Variants in NOTCH2NLC observed in about 807,000 individuals in gnomAD.
NOTCH2NLC encodes notch homolog 2 N-terminal-like protein C.
In NOTCH2NLC, 4 loss-of-function variants were observed where a neutral mutation model predicts 17.7. The observed-to-expected ratio is 0.23, with a 90% CI of 0.11 to 0.52. NOTCH2NLC has a LOEUF of 0.52. NOTCH2NLC is among the 20% of genes least tolerant of loss of function. The pLI is 0.96. For missense variants in NOTCH2NLC, 57 were observed against 207.2 expected (o/e 0.28, Z 4.45); for synonymous variants, 18 against 86.0 (o/e 0.21, Z 4.38).
intron 3 of NOTCH2NLC, among the ~76,000 whole-genome samples, chr1:149,460,913 T>TTCTTTCTTTCTTTGTTTCTTTCTC (rs2084645506): frequency 8.7e-6 from 1 of 114,380 alleles, no homozygotes; most frequent in Non-Finnish European, 1.9e-5. Flanking sequence ...CTTTCTTTCT[T>TTCTTTCTTTCTTTGTTTCTTTCTC]TCTCTCTCTT....
chr1:149,466,275 T>G lies in NOTCH2NLC; in HGVS notation c.*2122T>G, dbSNP rs1159038126. 4.8e-5 allele frequency: 7 copies of G among 145,812 alleles called. No homozygotes were observed. Among genetic ancestry groups the G allele is most frequent in the Non-Finnish European group, 7.6e-5 (5 of 66,030 alleles). 9.0% of individuals were successfully genotyped at this position (145,812 alleles called of 1,614,324 possible). A position where few individuals can be genotyped will look rare whatever the true frequency, so the allele number is the denominator to read the frequency against. ...GTGTGTGTGTGTGTGTGTGTGTGTG[T>G]GGTATATATATATATATCGCATTGT... On this transcript the variant is annotated 3_prime_UTR_variant, in exon 5 of 5. Transcript: ENST00000650865.
At chr1:149,425,431 G>C (rs1371470202) in intron 1 of NOTCH2NLC, among the ~76,000 whole-genome samples, 3 of 151,456 alleles carry the variant, frequency 2.0e-5, no homozygotes, top group East Asian at 2.0e-4. Context: ...GTTCAATGAC[G>C]ATCTGTTCAG....
intron 3 of NOTCH2NLC, among the ~76,000 whole-genome samples, chr1:149,461,497 C>T (rs1489305294): frequency 3.3e-5 from 5 of 150,240 alleles, no homozygotes; most frequent in Admixed American, 1.3e-4. Context: ...TGTCACATCT[C>T]GCATCTTTTT....
intron 1 of NOTCH2NLC, among the ~76,000 whole-genome samples, chr1:149,417,073 G>A (rs1297432243): frequency 1.6e-5 from 2 of 128,968 alleles, no homozygotes; most frequent in South Asian, 2.8e-4. Context: ...GAAGTTTGCA[G>A]ATTATGGTGG....
intron 2 of NOTCH2NLC, among the ~76,000 whole-genome samples, chr1:149,439,762 T>C (rs1282968318): frequency 9.3e-5 from 14 of 150,598 alleles, no homozygotes; most frequent in Non-Finnish European, 1.2e-4. Flanking sequence ...CCACACATTT[T>C]CTAGATCCTA....
intron 1 of NOTCH2NLC, among the ~76,000 whole-genome samples, chr1:149,393,215 G>A (rs1167792442): frequency 6.7e-6 from 1 of 150,372 alleles, no homozygotes; most frequent in Non-Finnish European, 1.5e-5. Flanking sequence ...GCGATTATTA[G>A]CTAGCTTTTA....
At chr1:149,392,601 G>A (rs1453427862) in intron 1 of NOTCH2NLC, among the ~76,000 whole-genome samples, 1 of 151,128 alleles carries the variant, frequency 6.6e-6, no homozygotes, top group South Asian at 2.1e-4. Flanking sequence ...GGATAGAGAG[G>A]AGTATAATCA....
At chr1:149,429,836 A>T (rs1341517064) in intron 1 of NOTCH2NLC, among the ~76,000 whole-genome samples, 4 of 149,998 alleles carry the variant, frequency 2.7e-5, no homozygotes, top group Non-Finnish European at 5.9e-5. Context: ...GGAGGGGGGA[A>T]CTTCTCAGTT....
intron 3 of NOTCH2NLC, among the ~76,000 whole-genome samples, chr1:149,457,806 A>G (rs2084621979): frequency 1.2e-5 from 1 of 82,960 alleles, no homozygotes; most frequent in African/African-American, 4.8e-5. Context: ...ATCCAGATTA[A>G]GGGTGGGTCT....
intron 3 of NOTCH2NLC, among the ~76,000 whole-genome samples, chr1:149,460,749 C>G (rs1182272824): frequency 2.7e-5 from 4 of 148,920 alleles, no homozygotes; most frequent in Non-Finnish European, 6.0e-5. Context: ...AGTCAGCTTA[C>G]TAGCTCATCT....
At chr1:149,393,567 G>A (rs1239409173) in intron 1 of NOTCH2NLC, among the ~76,000 whole-genome samples, 1 of 148,232 alleles carries the variant, frequency 6.7e-6, no homozygotes, top group Non-Finnish European at 1.5e-5. Context: ...CAGCTATCCA[G>A]GACCATCCTC....
chr1:149,463,086 G>A (rs1355964407), intron 3 of NOTCH2NLC, among the ~76,000 whole-genome samples: 10 of 150,052 alleles, frequency 6.7e-5, no homozygotes, highest in South Asian at 2.1e-4. Context: ...TGCCTGCCTC[G>A]GCCTCCCAAA....
At chr1:149,447,570 TTAAA>T (rs2084561941) in intron 2 of NOTCH2NLC, among the ~76,000 whole-genome samples, 1 of 130,460 alleles carries the variant, frequency 7.7e-6, no homozygotes, top group Non-Finnish European at 1.7e-5. Context: ...TAACAGTGGC[TTAAA>T]TAAAGAAGAA....
Position 149,460,175 on chromosome 1 carries a change from TAGG to T in NOTCH2NLC, c.470-3312_470-3310del, listed in dbSNP as rs1346244798. Among the ~76,000 whole-genome samples, 19 of 134,664 alleles carry T rather than the reference TAGG, an allele frequency of 1.4e-4. 1 individual carries two copies. Among genetic ancestry groups the T allele is most frequent in the Non-Finnish European group, 1.8e-4 (11 of 60,556 alleles). The allele number at this position is 134,664 out of a possible 152,430, so 88.3% of individuals were successfully genotyped here. A position where few individuals can be genotyped will look rare whatever the true frequency, so the allele number is the denominator to read the frequency against. ...TGTCAGTTTTGAGTTGTTTTGCTAT[TAGG>T]AGGCAAAGTAGGGGGGCATATACCC... is the stretch of plus-strand genomic sequence containing the variant. On this transcript the variant is annotated intron_variant, in intron 3 of 4. Transcript: ENST00000650865.
intron 3 of NOTCH2NLC, among the ~76,000 whole-genome samples, chr1:149,459,163 CG>C (rs1245337037): frequency 1.4e-5 from 2 of 138,552 alleles, no homozygotes; most frequent in Non-Finnish European, 3.2e-5. Context: ...CATGAGTCCG[CG>C]GATGGTAGTC....
In NOTCH2NLC at chr1:149,390,753, A is replaced by T. The variant is rs1306047577; in HGVS notation, c.-35A>T. On this transcript the variant is annotated 5_prime_UTR_variant, in exon 1 of 5. Coordinates refer to ENST00000650865, the MANE Select transcript of NOTCH2NLC (RefSeq NM_001364013.2). ...GCCTTTGAAGCAGGAGGAGGGGAGG[A>T]GAGAGTGGGGCTCCTCTATCGGGAC... 1.8e-5 allele frequency: 22 copies of T among 1,231,958 alleles called. 2 individuals are homozygous for T. The highest frequency in any genetic ancestry group is 2.2e-5 in the Non-Finnish European group (22 of 991,034). 76.3% of individuals were successfully genotyped at this position (1,231,958 alleles called of 1,614,324 possible).
chr1:149,445,743 CT>C (rs1189495356), intron 2 of NOTCH2NLC, among the ~76,000 whole-genome samples: 8,195 of 148,736 alleles, frequency 0.055, 384 homozygotes, highest in Middle Eastern at 0.078. Flanking sequence ...CCACATGAGA[CT>C]TTTTTTTCCC....
Position 149,449,588 on chromosome 1 carries a change from A to G in NOTCH2NLC, c.210-5730A>G, listed in dbSNP as rs1257992167. Among the ~76,000 whole-genome samples the G allele has an allele frequency of 2.0e-5, 3 of 150,770 alleles. 1 individual carries two copies. Among genetic ancestry groups the G allele is most frequent in the Non-Finnish European group, 4.4e-5 (3 of 67,456 alleles). On this transcript the variant is annotated intron_variant, in intron 2 of 4. Transcript: ENST00000650865. ...TGTTCTTTTTTGTTCTAGAGGGTAG[A>G]GATAACCTGGAAATTGTAGAGAGAC...
In NOTCH2NLC at chr1:149,471,474, T is replaced by C. The variant is rs1336829993; in HGVS notation, c.*7321T>C. 3.5e-3 allele frequency among the ~76,000 whole-genome samples: 527 copies of C among 150,832 alleles called. 13 individuals are homozygous for C. The highest frequency in any genetic ancestry group is 0.012 in the African/African-American group (511 of 41,112). ...TTTAGGTCTCTGATCCATTTTGAGT[T>C]AATTTTTATGTGCAAGGAGGGAGTC... On this transcript the variant is annotated 3_prime_UTR_variant, in exon 5 of 5. Transcript: ENST00000650865.
Sources: allele counts gnomAD v4.1 joint callset (sites outside exome capture counted in the v4.1 genomes callset), GRCh38; gene constraint gnomAD v4.1.1; transcripts MANE v1.5; gene names NCBI Gene and HGNC (gene_info 2026-07-23, HGNC 2026-07-21).